The following PTPRG variants were observed in gnomAD, a reference collection of about 807,000 sequenced individuals.
The protein encoded by PTPRG is receptor-type tyrosine-protein phosphatase gamma.
Under a neutral mutation model 165.3 loss-of-function variants are expected in PTPRG, and 102 were observed. The observed-to-expected ratio is 0.62, with a 90% CI of 0.53 to 0.73. The LOEUF (loss-of-function observed/expected upper bound fraction) is 0.73, where lower values mean the gene tolerates loss of function less well. Among genes scored for constraint, PTPRG ranks in the 30% least tolerant of loss-of-function variants. The pLI is 0.00. For synonymous variants in PTPRG, 675 were observed against 669.5 expected, an observed-to-expected ratio of 1.01 and a Z score of -0.13; for missense variants, 1,866 against 1,861.4, an observed-to-expected ratio of 1.00 and a Z score of -0.05.
intron 2 of PTPRG, among the ~76,000 whole-genome samples, chr3:61,804,058 A>G (rs2035335437): frequency 6.6e-6 from 1 of 152,218 alleles, no homozygotes; most frequent in African/African-American, 2.4e-5. Flanking sequence ...GTAAAGAAAA[A>G]TAATTTCCAG....
intron 2 of PTPRG, among the ~76,000 whole-genome samples, chr3:61,763,173 C>A (rs898423058): frequency 2.0e-5 from 3 of 152,012 alleles, no homozygotes; most frequent in Non-Finnish European, 2.9e-5. Context: ...GGATCTACCC[C>A]GAAGTAGAGG....
At chr3:61,883,279 G>T (rs992756266) in intron 2 of PTPRG, among the ~76,000 whole-genome samples, 1 of 152,046 alleles carries the variant, frequency 6.6e-6, no homozygotes, top group South Asian at 2.1e-4. Flanking sequence ...TCCACTTATG[G>T]TCTTATTAAT....
At chr3:62,277,182 G>A (rs1702258674) in intron 25 of PTPRG, 134 bp downstream of exon 25, 1 of 730,078 alleles carries the variant, frequency 1.4e-6, no homozygotes, top group African/African-American at 1.8e-5. Context: ...AGAGATTTCT[G>A]TATCTTGAAA....
At chr3:61,690,057 A>G (rs1006561565) in intron 1 of PTPRG, among the ~76,000 whole-genome samples, 11 of 152,204 alleles carry the variant, frequency 7.2e-5, no homozygotes, top group African/African-American at 2.4e-4. Context: ...TTCCCATGCT[A>G]TTCTTCAGCT....
At chr3:62,198,541 T>G (rs1453841353) in intron 10 of PTPRG, among the ~76,000 whole-genome samples, 1 of 152,224 alleles carries the variant, frequency 6.6e-6, no homozygotes, top group Non-Finnish European at 1.5e-5. Context: ...GACTCATCCG[T>G]GGCAAAGCCC....
chr3:61,934,826 A>G (rs1241806723), intron 2 of PTPRG, among the ~76,000 whole-genome samples: 1 of 152,168 alleles, frequency 6.6e-6, no homozygotes, highest in Non-Finnish European at 1.5e-5. Context: ...GTTGAAATAA[A>G]TTGACATAGT....
intron 28 of PTPRG, among the ~76,000 whole-genome samples, chr3:62,283,858 A>G (rs1413903995): frequency 1.3e-5 from 2 of 152,126 alleles, no homozygotes; most frequent in African/African-American, 4.8e-5. Flanking sequence ...CAGTCTTTCA[A>G]AATGTTGGCC....
At chr3:61,853,030 C>T (rs1575723058) in intron 2 of PTPRG, among the ~76,000 whole-genome samples, 8 of 152,314 alleles carry the variant, frequency 5.3e-5, no homozygotes, top group Admixed American at 2.0e-4. Context: ...TTCTTTGTAA[C>T]AGCTGTTGTG....
chr3:61,775,071 A>ATTG (rs562498777), intron 2 of PTPRG, among the ~76,000 whole-genome samples: 1 of 151,754 alleles, frequency 6.6e-6, no homozygotes, highest in Admixed American at 6.6e-5. Flanking sequence ...CTTAAAGAAA[A>ATTG]TTGTTGTTGT....
intron 5 of PTPRG, among the ~76,000 whole-genome samples, chr3:62,122,290 G>T (rs1703104189): frequency 6.6e-6 from 1 of 152,214 alleles, no homozygotes; most frequent in Admixed American, 6.5e-5. Flanking sequence ...AGAGGATGAT[G>T]ACAAGGAGCT....
chr3:61,847,638 T>C lies in PTPRG; in HGVS notation c.190+98656T>C, dbSNP rs539167557. Among the ~76,000 whole-genome samples the C allele has an allele frequency of 2.0e-5, 3 of 152,296 alleles. No homozygotes were observed. In the South Asian group the frequency reaches 6.2e-4, roughly 32 times the overall value. On this transcript the variant is annotated intron_variant, in intron 2 of 29. Coordinates refer to ENST00000474889, the MANE Select transcript of PTPRG (RefSeq NM_002841.4). The stretch of plus-strand genomic sequence containing the variant: ...ACCTCCCTCCTTCGGGGATTCCAGG[T>C]TGCTCATTGCTCCAAAAACTCAAGC...
At chr3:61,592,318 C>T (rs938099081) in intron 1 of PTPRG, among the ~76,000 whole-genome samples, 1 of 151,958 alleles carries the variant, frequency 6.6e-6, no homozygotes, top group African/African-American at 2.4e-5. Flanking sequence ...TAGTTTTGTG[C>T]GGAGACTGTA....
At chr3:61,891,508 T>A (rs1252687409) in intron 2 of PTPRG, among the ~76,000 whole-genome samples, 1 of 152,174 alleles carries the variant, frequency 6.6e-6, no homozygotes, top group Non-Finnish European at 1.5e-5. Context: ...TTTAAAAGAA[T>A]TGTTTCATTC....
chr3:62,020,267 G>T (rs977287284), intron 4 of PTPRG, among the ~76,000 whole-genome samples: 6 of 151,788 alleles, frequency 4.0e-5, no homozygotes, highest in African/African-American at 1.5e-4. Flanking sequence ...TTTCCTACTT[G>T]TACCTTGCTG....
At chr3:61,637,117 G>A (rs765672907) in intron 1 of PTPRG, among the ~76,000 whole-genome samples, 18 of 151,974 alleles carry the variant, frequency 1.2e-4, no homozygotes, top group African/African-American at 4.1e-4. Flanking sequence ...TGGAGTTGGC[G>A]GACTAACACA....
chr3:61,609,651 G>A (rs1559522641), intron 1 of PTPRG, among the ~76,000 whole-genome samples: 2 of 152,140 alleles, frequency 1.3e-5, no homozygotes, highest in East Asian at 1.9e-4. Context: ...GAGCCCAAGA[G>A]TTTGAGACTA....
rs117979649 is a variant in PTPRG at position 61,718,481 on chromosome 3, A to G, written c.86-30397A>G. 7.0e-3 allele frequency among the ~76,000 whole-genome samples: 1,063 copies of G among 152,296 alleles called. 17 individuals carry two copies. The highest frequency in any genetic ancestry group is 0.028 in the South Asian group (136 of 4,822). On this transcript the variant is annotated intron_variant, in intron 1 of 29. Transcript: ENST00000474889. ...TTAAAAGACTACACAATCATGTGAC[A>G]TTGTGACATTGTGATGTGACCATCC...
chr3:61,938,055 C>T (rs1030685573), intron 2 of PTPRG, among the ~76,000 whole-genome samples: 1 of 151,786 alleles, frequency 6.6e-6, no homozygotes, highest in African/African-American at 2.4e-5. Context: ...TAAGGTTTCC[C>T]ACTGTTCTAA....
At chr3:61,917,468 C>G (rs2038968809) in intron 2 of PTPRG, among the ~76,000 whole-genome samples, 1 of 152,148 alleles carries the variant, frequency 6.6e-6, no homozygotes, top group African/African-American at 2.4e-5. Context: ...AAATCACACC[C>G]TACCTTAGTG....
Sources: allele counts gnomAD v4.1 joint callset (sites outside exome capture counted in the v4.1 genomes callset), GRCh38; gene constraint gnomAD v4.1.1; transcripts MANE v1.5; gene names NCBI Gene and HGNC (gene_info 2026-07-23, HGNC 2026-07-21).